AHDC1: variants seen among roughly 807,000 people sequenced by gnomAD.
AHDC1 encodes the protein AT-hook DNA binding motif containing 1.
Under a neutral mutation model 87.9 loss-of-function variants are expected in AHDC1, and 7 were observed. The ratio of observed to expected loss-of-function variants is 0.08; its 90% CI spans 0.05 to 0.15. The LOEUF is 0.15. Ranked by LOEUF, AHDC1 falls within the 10% of genes least tolerant of loss-of-function variation. The probability of loss-of-function intolerance (pLI) is 1.00; values close to 1 mark genes in which losing one functional copy is unlikely to be tolerated. For synonymous variants in AHDC1, 1,051 were observed against 1,006.8 expected (o/e 1.04, Z -0.83); for missense variants, 1,841 against 2,253.2 (o/e 0.82, Z 3.70).
rs771447788 is a variant in AHDC1, at chr1:27,553,102, G to A, written c.-141C>T. ...GAAGAGAGAGGGCCCCCGTGCCTGG[G>A]GGCTCTGCCAGTCGCTGGCTGTCAG... On this transcript the variant is annotated 5_prime_UTR_variant, in exon 6 of 9. Transcript: ENST00000673934. 1 of 152,710 alleles carries A rather than the reference G, an allele frequency of 6.5e-6. No homozygotes were observed. Among genetic ancestry groups the A allele is most frequent in the African/African-American group, 2.4e-5 (1 of 41,456 alleles). The allele number at this position is 152,710 out of a possible 1,614,324, so 9.5% of individuals were successfully genotyped here.
chr1:27,546,773 G>A (rs1012660482), intron 8 of AHDC1, among the ~76,000 whole-genome samples: 1 of 152,188 alleles, frequency 6.6e-6, no homozygotes, highest in Non-Finnish European at 1.5e-5. Flanking sequence ...TAGAATCAGT[G>A]AAGCTCCCAG....
intron 8 of AHDC1, among the ~76,000 whole-genome samples, chr1:27,544,534 C>T (rs1020624783): frequency 3.3e-5 from 5 of 152,188 alleles, no homozygotes; most frequent in South Asian, 2.1e-4. Context: ...CAGTGCCTGG[C>T]GTCAAAACTG....
intron 3 of AHDC1, among the ~76,000 whole-genome samples, chr1:27,583,380 A>C (rs1325956817): frequency 6.6e-6 from 1 of 151,308 alleles, no homozygotes; most frequent in African/African-American, 2.4e-5. Flanking sequence ...TCTTTCAACT[A>C]CCCATTTCTC....
intron 5 of AHDC1, among the ~76,000 whole-genome samples, chr1:27,556,696 C>T (rs1265899242): frequency 6.6e-6 from 1 of 152,138 alleles, no homozygotes; most frequent in Non-Finnish European, 1.5e-5. Flanking sequence ...ACAGCCATCT[C>T]ATTCAATTAA....
intron 5 of AHDC1, among the ~76,000 whole-genome samples, chr1:27,555,346 C>T (rs1174712547): frequency 6.6e-6 from 1 of 152,154 alleles, no homozygotes; most frequent in African/African-American, 2.4e-5. Flanking sequence ...GGGAAAGAGA[C>T]TTTGTCCGAG....
At position 27,549,458 on chromosome 1, in the gene AHDC1, G is replaced by A. The variant is rs2019395319; in HGVS notation, c.2658C>T (p.Ala886=). Residue 886 remains alanine, a synonymous_variant, in exon 8 of 9, where the codon GCC becomes GCT. Coordinates refer to ENST00000673934, the MANE Select transcript of AHDC1 (RefSeq NM_001371928.1). ...CCTTGGCTCCCCGGCTAGGGAAGGT[G>A]GCCAGGCCCCGCTGGGCAGGCAGGG... The part of the protein sequence containing the change: ...TSALPAQRGL[A]TFPSRGAKAS... 2 of 1,612,838 alleles carry A rather than the reference G, an allele frequency of 1.2e-6. No homozygotes were observed. The highest frequency in any genetic ancestry group is 8.5e-7 in the Non-Finnish European group (1 of 1,179,832).
At chr1:27,597,752 T>C (rs1375963139) in intron 3 of AHDC1, among the ~76,000 whole-genome samples, 1 of 152,096 alleles carries the variant, frequency 6.6e-6, no homozygotes, top group Non-Finnish European at 1.5e-5. Flanking sequence ...GTTTGCAGCC[T>C]GCAGTCTTCT....
chr1:27,551,600 A>G lies in AHDC1; in HGVS notation c.516T>C (p.Ser172=). The change falls in exon 8 of 9, where the codon AGT becomes AGC. Residue 172 remains serine (S), a synonymous_variant. Transcript: ENST00000673934. ...CAGGGCTACGGATGCTGTTGGCCAA[A>G]CTGGGTGAGGAGAAGAAGCTGTACT... ...DLQYSFFSSP[S]LANSIRSPEE... The G allele has an allele frequency of 6.2e-7, 1 of 1,611,542 alleles. No individual in the cohort carries two copies. Among genetic ancestry groups the G allele is most frequent in the Non-Finnish European group, 8.5e-7 (1 of 1,178,050 alleles).
In AHDC1 at chr1:27,593,105, C is replaced by G. The variant is rs950611490; in HGVS notation, c.-629+10292G>C. 6.6e-6 allele frequency among the ~76,000 whole-genome samples: 1 copy of G among 152,046 alleles called. No homozygotes were observed. The highest frequency in any genetic ancestry group is 2.1e-4 in the South Asian group (1 of 4,818). On this transcript the variant is annotated intron_variant, in intron 3 of 8. Coordinates refer to ENST00000673934, the MANE Select transcript of AHDC1 (RefSeq NM_001371928.1). The surrounding 1 kb of genome is among the most constrained non-coding windows in gnomAD (Gnocchi z 4.9). Reference sequence around the variant, plus strand: ...CTGCCCCTCCAGGGGACACAGGCCTCGGTGGAACGGAGTAGACACGGTGTC... The same window carrying G: ...CTGCCCCTCCAGGGGACACAGGCCTGGGTGGAACGGAGTAGACACGGTGTC...
At chr1:27,597,376 T>TGAGA (rs150236055) in intron 3 of AHDC1, among the ~76,000 whole-genome samples, 64 of 149,826 alleles carry the variant, frequency 4.3e-4, no homozygotes, top group Admixed American at 6.0e-4. Flanking sequence ...AGTGTGTGTG[T>TGAGA]GAGAGAGAGA....
chr1:27,573,326 G>A (rs560524218), intron 3 of AHDC1, among the ~76,000 whole-genome samples: 14 of 152,094 alleles, frequency 9.2e-5, no homozygotes, highest in Admixed American at 7.8e-4. Flanking sequence ...GAAGCAGCCT[G>A]CCTAACGTCA....
chr1:27,580,233 G>A (rs1483253003), intron 3 of AHDC1, among the ~76,000 whole-genome samples: 1 of 152,158 alleles, frequency 6.6e-6, no homozygotes, highest in Non-Finnish European at 1.5e-5. Context: ...CCAAGAGATA[G>A]AGTGGCCCCA....
intron 3 of AHDC1, among the ~76,000 whole-genome samples, chr1:27,579,565 CT>C (rs2088852807): frequency 1.3e-5 from 2 of 152,058 alleles, no homozygotes; most frequent in Admixed American, 1.3e-4. Context: ...AGGTTCCAGC[CT>C]GACATGTCAA....
Position 27,541,397 on chromosome 1 carries a change from C to T in AHDC1, c.*43+5864G>A, listed in dbSNP as rs998722789. ...GCAGTGGTACGATCGTAGTTCACTGCAACCTCCGGCTCCAGGGTTCAAGCA... is the reference window on the plus strand; with the variant it reads ...GCAGTGGTACGATCGTAGTTCACTGTAACCTCCGGCTCCAGGGTTCAAGCA... On this transcript the variant is annotated intron_variant, in intron 8 of 8. Coordinates refer to ENST00000673934, the MANE Select transcript of AHDC1 (RefSeq NM_001371928.1). 5.9e-5 allele frequency among the ~76,000 whole-genome samples: 9 copies of T among 152,206 alleles called. No homozygotes were observed. The East Asian group carries it at 1.4e-3, about 23-fold the overall frequency.
intron 3 of AHDC1, among the ~76,000 whole-genome samples, chr1:27,580,691 C>T (rs896855552): frequency 1.3e-5 from 2 of 152,218 alleles, no homozygotes; most frequent in African/African-American, 4.8e-5. Flanking sequence ...TTAACAAGAT[C>T]ATGAGGTATA....
Position 27,547,710 on chromosome 1 carries a change from G to C in AHDC1, c.4406C>G (p.Pro1469Arg). The C allele has an allele frequency of 6.3e-7, 1 of 1,597,168 alleles. No homozygotes were observed. Among genetic ancestry groups the C allele is most frequent in the Non-Finnish European group, 8.5e-7 (1 of 1,170,072 alleles). ...PSCKGTAYWYPPGSAARSPPY... is the reference protein window; with the variant it reads ...PSCKGTAYWYRPGSAARSPPY... ...CGGGCTGCGGGCAGCTGAGCCTGGA[G>C]GGTACCAATAGGCTGTGCCCTTGCA... Residue 1469 changes from proline to arginine, a missense_variant, in exon 8 of 9, where the codon CCT (proline) becomes CGT (arginine). By Grantham distance (103) the Pro-to-Arg change is moderately radical. This residue lies in a region of AHDC1 where 505 missense variants were observed against 626.2 expected (regional missense o/e 0.81). Coordinates refer to ENST00000673934, the MANE Select transcript of AHDC1 (RefSeq NM_001371928.1). This position sits in a 1 kb window ranked among gnomAD's most constrained non-coding sequence, Gnocchi z 4.9.
intron 3 of AHDC1, among the ~76,000 whole-genome samples, chr1:27,567,177 T>G (rs540083439): frequency 6.6e-6 from 1 of 152,232 alleles, no homozygotes; most frequent in East Asian, 1.9e-4. Flanking sequence ...CTGAAGATCC[T>G]GCATGCTGCT....
chr1:27,536,287 G>A (rs2018635981), intron 8 of AHDC1, among the ~76,000 whole-genome samples: 1 of 152,268 alleles, frequency 6.6e-6, no homozygotes, highest in African/African-American at 2.4e-5. Flanking sequence ...CCAAGGTCCA[G>A]GGGAACCAGG....
Position 27,549,037 on chromosome 1 carries a change from C to T in AHDC1, c.3079G>A (p.Gly1027Ser). ...GCCTTGCTTGGTGGCAGGCAGGGGC[C>T]CCCGGTAGGCGGTGGGGCATAGCCG... is the stretch of plus-strand genomic sequence containing the variant. ...SAGYAPPPTG[G>S]PCLPPSKASF... Residue 1027 changes from glycine to serine, a missense_variant, in exon 8 of 9, where the codon GGC becomes AGC. Gly to Ser is a moderately conservative substitution (Grantham distance 56). Around this residue, in one of 13 missense-constraint regions of AHDC1, gnomAD observed 378 missense variants for 399.0 expected, o/e 0.95. Coordinates refer to ENST00000673934, the MANE Select transcript of AHDC1 (RefSeq NM_001371928.1). The T allele has an allele frequency of 1.3e-6, 2 of 1,574,530 alleles. No individual in the cohort carries two copies. The highest frequency in any genetic ancestry group is 1.7e-6 in the Non-Finnish European group (2 of 1,159,708).
Sources: gnomAD v4.1 joint callset for allele counts (sites outside exome capture counted in the v4.1 genomes callset) on GRCh38, gnomAD v4.1.1 for gene constraint, gnomAD v4.1.1 regional missense constraint, Gnocchi (gnomAD v3.1) non-coding constraint, MANE v1.5 for transcripts, NCBI Gene and HGNC (gene_info 2026-07-23, HGNC 2026-07-21) for gene names.